The following HMBOX1 variants were observed in gnomAD, a reference collection of about 807,000 sequenced individuals.
The protein encoded by HMBOX1 is homeobox-containing protein 1.
In HMBOX1, 14 loss-of-function variants were observed where a neutral mutation model predicts 54.5. The ratio of observed to expected loss-of-function variants is 0.26; its 90% CI spans 0.17 to 0.40. HMBOX1 has a LOEUF of 0.40. Among genes scored for constraint, HMBOX1 ranks in the 10% least tolerant of loss-of-function variants. The pLI is 1.00. For missense variants in HMBOX1, 332 were observed against 514.4 expected, an observed-to-expected ratio of 0.65 and a Z score of 3.43; for synonymous variants, 160 against 181.0, an observed-to-expected ratio of 0.88 and a Z score of 0.93.
At chr8:28,981,292 T>A (rs1829304988) in intron 4 of HMBOX1, among the ~76,000 whole-genome samples, 1 of 152,184 alleles carries the variant, frequency 6.6e-6, no homozygotes, top group South Asian at 2.1e-4. Context: ...AATACTTTAG[T>A]TAAAGGTGTC....
rs367845571 is a variant in HMBOX1, at chr8:29,009,947, C to T, written c.697+765C>T. The stretch of plus-strand genomic sequence containing the variant: ...TGGGTTGCGTTCTGTAATGCTGCAG[C>T]CTCAAAGCCTTTGCACACAGACTAA... On this transcript the variant is annotated intron_variant, in intron 5 of 9. Coordinates refer to ENST00000287701, the MANE Select transcript of HMBOX1 (RefSeq NM_001135726.3). 4.4e-5 allele frequency: 47 copies of T among 1,064,824 alleles called. No homozygotes were observed. In the East Asian group the frequency reaches 1.4e-3, roughly 31 times the overall value. The allele number at this position is 1,064,824 out of a possible 1,614,324, so 66.0% of individuals were successfully genotyped here.
chr8:28,960,736 A>AT (rs2132239859), intron 1 of HMBOX1, among the ~76,000 whole-genome samples: 1 of 78,126 alleles, frequency 1.3e-5, no homozygotes, highest in African/African-American at 4.8e-5. Context: ...TTATAATTGT[A>AT]AACTTATTCT....
Position 28,985,427 on chromosome 8 carries a change from A to G in HMBOX1, c.586+5271A>G, listed in dbSNP as rs944099151. 5.9e-5 allele frequency among the ~76,000 whole-genome samples: 9 copies of G among 152,352 alleles called. No homozygotes were observed. The South Asian group carries it at 1.2e-3, about 21-fold the overall frequency. On this transcript the variant is annotated intron_variant, in intron 4 of 9. Transcript: ENST00000287701. ...CATCACCTTGAAAGTAACAATTTCA[A>G]CATAGGAATTTTAGAGGGACATAAA...
At chr8:29,024,971 C>T (rs1801794673) in intron 6 of HMBOX1, among the ~76,000 whole-genome samples, 1 of 152,090 alleles carries the variant, frequency 6.6e-6, no homozygotes, top group Admixed American at 6.5e-5. Context: ...TCCCTACCCC[C>T]CACCCCGTCG....
chr8:28,924,263 C>T (rs942338911), intron 1 of HMBOX1, among the ~76,000 whole-genome samples: 1 of 151,302 alleles, frequency 6.6e-6, no homozygotes, highest in African/African-American at 2.4e-5. Flanking sequence ...CCCGCCACCA[C>T]GTCTGGCTAA....
intron 4 of HMBOX1, among the ~76,000 whole-genome samples, chr8:29,005,880 T>A (rs1283643039): frequency 1.3e-5 from 2 of 152,168 alleles, no homozygotes; most frequent in African/African-American, 2.4e-5. Flanking sequence ...TCAGTTAACA[T>A]TATTTTTGTG....
intron 1 of HMBOX1, among the ~76,000 whole-genome samples, chr8:28,928,300 A>G (rs987513750): frequency 3.3e-5 from 5 of 152,174 alleles, no homozygotes; most frequent in Non-Finnish European, 7.3e-5. Flanking sequence ...AACCAGTCTA[A>G]GAGAGAAGAG....
chr8:29,009,060 C>G lies in HMBOX1; in HGVS notation c.587-12C>G. 6.3e-7 allele frequency: 1 copy of G among 1,595,168 alleles called. No individual in the cohort carries two copies. Among genetic ancestry groups the G allele is most frequent in the East Asian group, 2.2e-5 (1 of 44,736 alleles). ...TCAGTGCCCCCCAAAACCTATTTCT[C>G]TTTCTACATAGGTATCAGTCAGAGC... On this transcript the variant is annotated splice_polypyrimidine_tract_variant and intron_variant, in intron 4 of 9. Transcript: ENST00000287701.
At chr8:29,016,929 G>C (rs1482900742) in intron 5 of HMBOX1, among the ~76,000 whole-genome samples, 1 of 152,252 alleles carries the variant, frequency 6.6e-6, no homozygotes, top group Non-Finnish European at 1.5e-5. Context: ...ATGGTGCAGT[G>C]TGGGAAGGGA....
chr8:29,029,371 C>T (rs1299227831), intron 6 of HMBOX1, among the ~76,000 whole-genome samples: 1 of 152,146 alleles, frequency 6.6e-6, no homozygotes, highest in African/African-American at 2.4e-5. Flanking sequence ...TAATATTGCT[C>T]TTCTGAAACA....
intron 1 of HMBOX1, among the ~76,000 whole-genome samples, chr8:28,906,553 C>CTT (rs1203693787): frequency 1.3e-5 from 2 of 152,078 alleles, no homozygotes; most frequent in African/African-American, 4.8e-5. Context: ...TGTAGAGATT[C>CTT]TTAGTAAATG....
At chr8:29,032,072 G>T (rs1468248657) in intron 6 of HMBOX1, among the ~76,000 whole-genome samples, 1 of 152,244 alleles carries the variant, frequency 6.6e-6, no homozygotes, top group African/African-American at 2.4e-5. Context: ...GTTGCAGCCA[G>T]ATTGGGAATG....
At chr8:28,982,611 G>A (rs1362293699) in intron 4 of HMBOX1, among the ~76,000 whole-genome samples, 1 of 151,586 alleles carries the variant, frequency 6.6e-6, no homozygotes, top group Non-Finnish European at 1.5e-5. Context: ...CACCACACCC[G>A]GCTAATATTT....
At chr8:28,961,754 A>C (rs1373002405) in intron 1 of HMBOX1, among the ~76,000 whole-genome samples, 1 of 152,124 alleles carries the variant, frequency 6.6e-6, no homozygotes, top group Non-Finnish European at 1.5e-5. Context: ...AGGAACTGCC[A>C]TACTGTTTTC....
chr8:28,945,335 A>G (rs1415329518), intron 1 of HMBOX1, among the ~76,000 whole-genome samples: 2 of 152,240 alleles, frequency 1.3e-5, no homozygotes, highest in African/African-American at 4.8e-5. Flanking sequence ...ACTGCTAACA[A>G]GTGGTAGAAC....
At chr8:28,992,869 CAAAAAAAAAAAAAAAAA>C (rs34488854) in intron 4 of HMBOX1, among the ~76,000 whole-genome samples, 1 of 57,242 alleles carries the variant, frequency 1.7e-5, no homozygotes, top group Non-Finnish European at 2.9e-5. Context: ...GACTCTGTCT[CAAAAAAAAAAAAAAAAA>C]AAAAAAAAGG....
At chr8:28,949,127 T>C (rs910308432) in intron 1 of HMBOX1, among the ~76,000 whole-genome samples, 4 of 152,242 alleles carry the variant, frequency 2.6e-5, no homozygotes, top group Non-Finnish European at 5.9e-5. Flanking sequence ...GGAGATAGTT[T>C]CCTTTTTTGA....
chr8:29,007,099 GCCAACAC>G (rs1173239028), intron 4 of HMBOX1, among the ~76,000 whole-genome samples: 2 of 151,762 alleles, frequency 1.3e-5, no homozygotes, highest in Non-Finnish European at 2.9e-5. Context: ...GACCAGCCTG[GCCAACAC>G]AGTGAAACCC....
At chr8:29,008,877 A>C (rs1029718891) in intron 4 of HMBOX1, among the ~76,000 whole-genome samples, 195 bp from the exon 5 acceptor site, 18 of 152,338 alleles carry the variant, frequency 1.2e-4, no homozygotes, top group African/African-American at 4.3e-4. Context: ...GACGTTGAAG[A>C]GATAATTTCT....
Sources: gnomAD v4.1 joint callset for allele counts (sites outside exome capture counted in the v4.1 genomes callset) on GRCh38, gnomAD v4.1.1 for gene constraint, MANE v1.5 for transcripts, NCBI Gene and HGNC (gene_info 2026-07-23, HGNC 2026-07-21) for gene names.